WWOX: variants seen among roughly 807,000 people sequenced by gnomAD.
The protein encoded by WWOX is WW domain-containing oxidoreductase.
A neutral mutation model predicts 46.2 loss-of-function variants in WWOX; 69 were observed. The observed-to-expected ratio is 1.49, with a 90% confidence interval of 1.23 to 1.82. The LOEUF (loss-of-function observed/expected upper bound fraction) is 1.82. Ranked by LOEUF, WWOX falls within the 40% of genes most tolerant of loss-of-function variation. The pLI, the probability that WWOX is intolerant of heterozygous loss-of-function variation, is 0.00. For missense variants in WWOX, 919 were observed against 542.6 expected, an observed-to-expected ratio of 1.69 and a Z score of -6.89; for synonymous variants, 359 against 202.6, an observed-to-expected ratio of 1.77 and a Z score of -6.56.
intron 8 of WWOX, among the ~76,000 whole-genome samples, chr16:78,860,527 A>G (rs150135578): frequency 5.4e-4 from 82 of 152,326 alleles, no homozygotes; most frequent in Middle Eastern, 3.4e-3. Flanking sequence ...ACCTCTTATC[A>G]TGTGCCAGAC....
intron 5 of WWOX, among the ~76,000 whole-genome samples, chr16:78,311,283 G>A (rs1018037762): frequency 3.3e-5 from 5 of 152,134 alleles, no homozygotes; most frequent in East Asian, 1.9e-4. Context: ...GTAATCCAAG[G>A]CCTGATGTAT....
intron 8 of WWOX, among the ~76,000 whole-genome samples, chr16:79,126,451 G>C (rs1268585606): frequency 6.6e-6 from 1 of 152,130 alleles, no homozygotes; most frequent in Non-Finnish European, 1.5e-5. Flanking sequence ...TGAGTGAGTT[G>C]TCATGAGATC....
chr16:78,879,096 A>C (rs1280375547), intron 8 of WWOX, among the ~76,000 whole-genome samples: 2 of 152,000 alleles, frequency 1.3e-5, no homozygotes, highest in Non-Finnish European at 2.9e-5. Context: ...AATTTACTAG[A>C]AACAAATTAA....
At chr16:78,563,267 G>T (rs76184501) in intron 8 of WWOX, among the ~76,000 whole-genome samples, 8,177 of 152,184 alleles carry the variant, frequency 0.054, 267 homozygotes, top group Non-Finnish European at 0.075. Context: ...CTATTTTCCT[G>T]TGTATGGGGT....
chr16:78,200,596 T>A (rs536096565), intron 5 of WWOX, among the ~76,000 whole-genome samples: 90 of 151,482 alleles, frequency 5.9e-4, no homozygotes, highest in African/African-American at 1.6e-3. Context: ...TTTTTTTTTT[T>A]AAATCAGTTA....
At chr16:78,918,419 C>T (rs886299889) in intron 8 of WWOX, among the ~76,000 whole-genome samples, 1 of 151,974 alleles carries the variant, frequency 6.6e-6, no homozygotes, top group Non-Finnish European at 1.5e-5. Context: ...TAGGTCGTGT[C>T]CTATCCCTTT....
At chr16:79,020,647 C>G (rs536872171) in intron 8 of WWOX, among the ~76,000 whole-genome samples, 2 of 152,204 alleles carry the variant, frequency 1.3e-5, no homozygotes, top group Admixed American at 6.5e-5. Context: ...GGGGACATTT[C>G]AGGCCAATGT....
intron 8 of WWOX, among the ~76,000 whole-genome samples, chr16:79,207,314 G>A (rs1440883472): frequency 6.6e-6 from 1 of 152,248 alleles, no homozygotes; most frequent in East Asian, 1.9e-4. Context: ...GAAGTAGGCA[G>A]GGTTTGAAGA....
chr16:78,306,251 CA>C (rs746070073), intron 5 of WWOX, among the ~76,000 whole-genome samples: 2 of 152,182 alleles, frequency 1.3e-5, no homozygotes, highest in East Asian at 3.8e-4. Flanking sequence ...GGAATAATAA[CA>C]TTCATGATAC....
chr16:78,574,665 A>T (rs1421825738), intron 8 of WWOX, among the ~76,000 whole-genome samples: 4 of 151,896 alleles, frequency 2.6e-5, no homozygotes, highest in African/African-American at 9.7e-5. Flanking sequence ...TCTGAACCTG[A>T]AGGACATTAT....
At chr16:78,619,194 T>A (rs867192285) in intron 8 of WWOX, among the ~76,000 whole-genome samples, 745 of 31,436 alleles carry the variant, frequency 0.024, 209 homozygotes, top group Non-Finnish European at 0.024. Context: ...TATATATATA[T>A]ATATATATAT....
At chr16:78,965,383 A>C (rs1263080128) in intron 8 of WWOX, among the ~76,000 whole-genome samples, 6 of 152,116 alleles carry the variant, frequency 3.9e-5, no homozygotes, top group Non-Finnish European at 7.4e-5. Flanking sequence ...AGCCTGGTCA[A>C]CATGGTGAAA....
At chr16:79,079,843 A>T (rs777789931) in intron 8 of WWOX, among the ~76,000 whole-genome samples, 1 of 152,242 alleles carries the variant, frequency 6.6e-6, no homozygotes, top group South Asian at 2.1e-4. Context: ...ATTACAACAT[A>T]TGCTTCTCTG....
At chr16:78,825,004 A>T (rs1377962116) in intron 8 of WWOX, among the ~76,000 whole-genome samples, 1 of 152,204 alleles carries the variant, frequency 6.6e-6, no homozygotes, top group South Asian at 2.1e-4. Context: ...GCCATAAACA[A>T]AGTGCTCTGT....
Position 78,727,997 on chromosome 16 carries a change from G to A in WWOX, c.1056+295245G>A, listed in dbSNP as rs1328075811. 2.1e-5 allele frequency among the ~76,000 whole-genome samples: 3 copies of A among 146,184 alleles called. No homozygotes were observed. The East Asian group carries it at 6.2e-4, about 30-fold the overall frequency. ...TCTTTATTAATTCGTTTATAAGTAAGAAACCTATTACAAGTGAACATAGAT... is the reference window on the plus strand; with the variant it reads ...TCTTTATTAATTCGTTTATAAGTAAAAAACCTATTACAAGTGAACATAGAT... On this transcript the variant is annotated intron_variant, in intron 8 of 8. Coordinates refer to ENST00000566780, the MANE Select transcript of WWOX (RefSeq NM_016373.4).
intron 8 of WWOX, among the ~76,000 whole-genome samples, chr16:78,789,227 A>G (rs1436424560): frequency 6.6e-6 from 1 of 152,068 alleles, no homozygotes; most frequent in African/African-American, 2.4e-5. Context: ...TTCAGAAAAG[A>G]GTTTTTCCCT....
At chr16:78,797,903 G>C (rs946453987) in intron 8 of WWOX, among the ~76,000 whole-genome samples, 1 of 152,202 alleles carries the variant, frequency 6.6e-6, no homozygotes. Context: ...TGGGAGGATT[G>C]ATTGAGCCCA....
intron 8 of WWOX, among the ~76,000 whole-genome samples, chr16:78,664,488 G>A (rs2047285680): frequency 6.6e-6 from 1 of 152,190 alleles, no homozygotes; most frequent in Non-Finnish European, 1.5e-5. Context: ...TACCCTCAAA[G>A]GATGCCCTTA....
intron 8 of WWOX, among the ~76,000 whole-genome samples, chr16:78,823,206 G>T (rs1439931875): frequency 6.6e-6 from 1 of 152,224 alleles, no homozygotes; most frequent in Non-Finnish European, 1.5e-5. Flanking sequence ...CGGTCACAGG[G>T]TCAGGCCTTG....
Sources: allele counts gnomAD v4.1 joint callset (sites outside exome capture counted in the v4.1 genomes callset), GRCh38; gene constraint gnomAD v4.1.1; transcripts MANE v1.5; gene names NCBI Gene and HGNC (gene_info 2026-07-23, HGNC 2026-07-21).